TNNT1: variants seen among roughly 807,000 people sequenced by gnomAD.
TNNT1 encodes troponin T, slow skeletal muscle.
In TNNT1, 53 loss-of-function variants were observed where a neutral mutation model predicts 50.6. The observed-to-expected ratio is 1.05, with a 90% CI of 0.84 to 1.32. The LOEUF is 1.32. Among genes scored for constraint, TNNT1 ranks in the 40% most tolerant of loss-of-function variants. The probability of loss-of-function intolerance (pLI) is 0.00; values close to 1 mark genes in which losing one functional copy is unlikely to be tolerated. For missense variants in TNNT1, 348 were observed against 381.7 expected, an observed-to-expected ratio of 0.91 and a Z score of 0.74; for synonymous variants, 142 against 138.0, an observed-to-expected ratio of 1.03 and a Z score of -0.20.
chr19:55,138,219 G>A (rs2085388708), intron 9 of TNNT1, 145 bp from the exon 10 acceptor site: 2 of 1,417,344 alleles, frequency 1.4e-6, no homozygotes, highest in East Asian at 5.0e-5. Flanking sequence ...AAACGCAGGG[G>A]TACCCACTCC....
chr19:55,138,656 C>T (rs1428165429), intron 9 of TNNT1, among the ~76,000 whole-genome samples: 1 of 152,212 alleles, frequency 6.6e-6, no homozygotes, highest in Admixed American at 6.5e-5. Context: ...TTCTGCATGT[C>T]TCCACCCTGA....
chr19:55,136,755 G>A (rs968792345), intron 11 of TNNT1, among the ~76,000 whole-genome samples: 2 of 152,088 alleles, frequency 1.3e-5, no homozygotes, highest in Non-Finnish European at 2.9e-5. Context: ...ATTCTCACCC[G>A]CATTCCTGGC....
At chr19:55,142,417 G>A (rs1471201959) in intron 6 of TNNT1, among the ~76,000 whole-genome samples, 1 of 151,552 alleles carries the variant, frequency 6.6e-6, no homozygotes, top group Non-Finnish European at 1.5e-5. Context: ...CACCGCGCCC[G>A]GCACTAATCA....
At position 55,141,895 on chromosome 19, in the gene TNNT1, G is replaced by A; in HGVS notation, c.154C>T (p.Pro52Ser). The A allele has an allele frequency of 2.5e-6, 4 of 1,614,066 alleles. No individual in the cohort carries two copies. The highest frequency in any genetic ancestry group is 3.4e-6 in the Non-Finnish European group (4 of 1,179,972). The part of the protein sequence containing the change: ...PSRPVVPPLI[P>S]PKIPEGERVD... ...CGCTCCCCTTCTGGGATCTTTGGCG[G>A]GATCAAAGGAGGCACCACGGGGCGG... is the stretch of plus-strand genomic sequence containing the variant. The change falls in exon 7 of 14, where the codon CCG becomes TCG. Residue 52 changes from proline (P) to serine (S), a missense_variant. Coordinates refer to ENST00000588981, the MANE Select transcript of TNNT1 (RefSeq NM_003283.6).
intron 1 of TNNT1, 69 bp downstream of exon 1, chr19:55,149,092 A>G (rs2085632869): frequency 4.4e-6 from 2 of 452,244 alleles, no homozygotes; most frequent in Admixed American, 2.4e-5. Flanking sequence ...CATCTTCCCC[A>G]CCTGCCTCCT....
At chr19:55,141,073 AAGCCTAAGGCTC>A (rs2085443951) in intron 8 of TNNT1, 101 bp downstream of exon 8, 12 of 1,494,704 alleles carry the variant, frequency 8.0e-6, no homozygotes, top group Non-Finnish European at 1.1e-5. Flanking sequence ...GAATTCGCGA[AAGCCTAAGGCTC>A]AGCTCTGTAC....
chr19:55,133,431 G>A (rs1019892585), intron 13 of TNNT1: 9 of 302,526 alleles, frequency 3.0e-5, no homozygotes, highest in African/African-American at 1.3e-4. Context: ...TGTAATCCCA[G>A]CACTTTAGGA....
intron 1 of TNNT1, 107 bp from the exon 2 acceptor site, chr19:55,147,275 TGGACTCCTGGGTGTGAGA>T (rs1166430536): frequency 1.9e-6 from 2 of 1,057,908 alleles, no homozygotes; most frequent in African/African-American, 3.4e-5. Flanking sequence ...CTCCTGGGTC[TGGACTCCTGGGTGTGAGA>T]GAGGAGGAGC....
Position 55,137,956 on chromosome 19 carries a change from C to T in TNNT1, c.501+5G>A, listed in dbSNP as rs1171599630. The T allele has an allele frequency of 6.2e-7, 1 of 1,614,230 alleles. No homozygotes were observed. Among genetic ancestry groups the T allele is most frequent in the Non-Finnish European group, 8.5e-7 (1 of 1,180,032 alleles). ...CAGACCTCAGGCTCCTGCAGGCTGA[C>T]TCACCTTGACCAGGTAGCCGCCAAA... On this transcript the variant is annotated splice_donor_5th_base_variant and intron_variant, in intron 10 of 13. Coordinates refer to ENST00000588981, the MANE Select transcript of TNNT1 (RefSeq NM_003283.6).
intron 12 of TNNT1, 25 bp from the exon 13 acceptor site, chr19:55,133,952 G>T (rs1415074580): frequency 1.2e-6 from 2 of 1,608,764 alleles, no homozygotes; most frequent in Non-Finnish European, 1.7e-6. Context: ...GACAGATGCT[G>T]GGACAGCCGG....
In TNNT1 at chr19:55,137,149, G is replaced by A. The variant is rs780429876; in HGVS notation, c.565C>T (p.Arg189Cys). 1.1e-5 allele frequency: 17 copies of A among 1,605,126 alleles called. No individual in the cohort carries two copies. The highest frequency in any genetic ancestry group is 1.7e-4 in the Middle Eastern group (1 of 6,038). Reference protein sequence around the residue: ...REMKVRILSERKKPLDIDYMG... With the variant: ...REMKVRILSECKKPLDIDYMG... ...TAGTCAATGTCCAGAGGCTTCTTACGCTCGGAGAGGATGCGCACCTTCATC... is the reference window on the plus strand; with the variant it reads ...TAGTCAATGTCCAGAGGCTTCTTACACTCGGAGAGGATGCGCACCTTCATC... Residue 189 changes from arginine to cysteine, a missense_variant, in exon 11 of 14, where the codon CGT becomes TGT. By Grantham distance (180) the Arg-to-Cys change is radical. This residue lies in a region of TNNT1 where 253 missense variants were observed against 291.8 expected (regional missense o/e 0.87). Coordinates refer to ENST00000588981, the MANE Select transcript of TNNT1 (RefSeq NM_003283.6).
intron 5 of TNNT1, among the ~76,000 whole-genome samples, 181 bp from the exon 6 acceptor site, chr19:55,145,746 G>A (rs1276735281): frequency 6.6e-6 from 1 of 151,566 alleles, no homozygotes; most frequent in Non-Finnish European, 1.5e-5. Context: ...GGAAAGTCAG[G>A]GTGGCTGTAA....
Position 55,135,016 on chromosome 19 carries a change from T to C in TNNT1, c.612-812A>G, listed in dbSNP as rs184973746. On this transcript the variant is annotated intron_variant, in intron 11 of 13. Transcript: ENST00000588981. The stretch of plus-strand genomic sequence containing the variant: ...TCTAGAAAATATGGAAATAAAACTG[T>C]GGAAGAGATGGCTGCTTGCCTACCT... Among the ~76,000 whole-genome samples, 739 of 152,146 alleles carry C rather than the reference T, an allele frequency of 4.9e-3. 4 individuals carry two copies. The highest frequency in any genetic ancestry group is 6.4e-3 in the Non-Finnish European group (432 of 67,986).
chr19:55,134,713 A>G (rs1181081451), intron 11 of TNNT1, among the ~76,000 whole-genome samples: 1 of 21,732 alleles, frequency 4.6e-5, no homozygotes, highest in South Asian at 2.4e-3. Flanking sequence ...GGGAGAGGAG[A>G]AGAGGGGAGG....
At chr19:55,145,396 G>C (rs952512323) in intron 6 of TNNT1, 148 bp downstream of exon 6, 1 of 721,834 alleles carries the variant, frequency 1.4e-6, no homozygotes, top group Non-Finnish European at 2.5e-6. Flanking sequence ...GGAGGGAAAG[G>C]GGGAGGGAGG....
In TNNT1 at chr19:55,146,968, C is replaced by T. The variant is rs747170724; in HGVS notation, c.46+40G>A. 12 of 1,575,216 alleles carry T rather than the reference C, an allele frequency of 7.6e-6. No homozygotes were observed. The South Asian group carries it at 1.2e-4, about 15-fold the overall frequency. On this transcript the variant is annotated intron_variant, in intron 3 of 13. Coordinates refer to ENST00000588981, the MANE Select transcript of TNNT1 (RefSeq NM_003283.6). ...GCCTCCCCTCCCAAGAGCTCCTGGG[C>T]GTGTCCCCATCCCATAGGGCCGGCC...
chr19:55,133,862 A>T, intron 13 of TNNT1, 25 bp downstream of exon 13: 1 of 1,613,774 alleles, frequency 6.2e-7, no homozygotes, highest in South Asian at 1.1e-5. Context: ...GGACAAGAGC[A>T]AGGGCTTGAG....
At chr19:55,147,442 G>A in intron 1 of TNNT1, 1 of 394,666 alleles carries the variant, frequency 2.5e-6, no homozygotes, top group Non-Finnish European at 4.3e-6. Context: ...TCTGAGGGAG[G>A]AGGAGCTGGG....
At chr19:55,142,909 A>T (rs1411910098) in intron 6 of TNNT1, among the ~76,000 whole-genome samples, 1 of 150,576 alleles carries the variant, frequency 6.6e-6, no homozygotes, top group Middle Eastern at 3.2e-3. Flanking sequence ...CACGCCTGTA[A>T]TCCTAGCACT....
Sources: allele counts gnomAD v4.1 joint callset (sites outside exome capture counted in the v4.1 genomes callset), GRCh38; gene constraint gnomAD v4.1.1; regional missense constraint gnomAD v4.1.1; transcripts MANE v1.5; gene names NCBI Gene and HGNC (gene_info 2026-07-23, HGNC 2026-07-21).